Variants in THOC2 observed in about 807,000 individuals in gnomAD.
THOC2 encodes the protein THO complex 2.
In THOC2, 10 loss-of-function variants were observed where a neutral mutation model predicts 128.4. That is an observed-to-expected ratio of 0.08 (90% CI 0.05 to 0.13). The LOEUF (loss-of-function observed/expected upper bound fraction) is 0.13. THOC2 is among the 10% of genes least tolerant of loss of function. THOC2 has a pLI of 1.00. For synonymous variants in THOC2, 393 were observed against 396.9 expected, an observed-to-expected ratio of 0.99 and a Z score of 0.12; for missense variants, 535 against 1,155.7, an observed-to-expected ratio of 0.46 and a Z score of 7.79.
chrX:123,601,483 A>C, intron 38 of THOC2, 145 bp from the exon 39 acceptor site: 1 of 82,094 alleles, frequency 1.2e-5, no homozygotes, highest in Non-Finnish European at 2.3e-5. Flanking sequence ...GAGGGAGGGA[A>C]GAAGGGAGGG....
intron 12 of THOC2, among the ~76,000 whole-genome samples, chrX:123,665,396 C>T (rs1158470661): frequency 9.0e-6 from 1 of 111,405 alleles, no homozygotes; most frequent in Non-Finnish European, 1.9e-5. Context: ...ACCATCTAGG[C>T]TTGTATAAGT....
intron 23 of THOC2, 124 bp downstream of exon 23, chrX:123,627,569 A>G: frequency 1.4e-6 from 1 of 736,022 alleles, no homozygotes; most frequent in Non-Finnish European, 1.9e-6. Context: ...AACCCCATTT[A>G]AGAAAATATT....
At chrX:123,602,582 G>A (rs1452826763) in intron 38 of THOC2, 1 of 112,144 alleles carries the variant, frequency 8.9e-6, no homozygotes, top group African/African-American at 3.2e-5. Flanking sequence ...AGGAAGGGAA[G>A]AACTGGGAGT....
intron 7 of THOC2, among the ~76,000 whole-genome samples, chrX:123,694,612 A>G (rs1326007134): frequency 4.7e-5 from 4 of 85,319 alleles, no homozygotes; most frequent in Admixed American, 1.3e-4. Context: ...CATCTAAAAA[A>G]AAAAAAAGAA....
intron 18 of THOC2, among the ~76,000 whole-genome samples, chrX:123,637,759 C>T (rs1465108391): frequency 6.4e-5 from 7 of 108,954 alleles, no homozygotes; most frequent in African/African-American, 2.0e-4. Flanking sequence ...GACTCCATCT[C>T]GAAAAAAAAA....
intron 12 of THOC2, among the ~76,000 whole-genome samples, chrX:123,665,152 G>A (rs1441237120): frequency 9.0e-6 from 1 of 111,340 alleles, no homozygotes; most frequent in East Asian, 2.8e-4. Context: ...ATATGACCAG[G>A]GTCATATAAC....
intron 4 of THOC2, among the ~76,000 whole-genome samples, chrX:123,700,544 T>TGGGGGGGG (rs1216548328): frequency 4.4e-5 from 1 of 22,943 alleles, no homozygotes; most frequent in African/African-American, 1.6e-4. Context: ...GGTGAGGGGG[T>TGGGGGGGG]GGGGGGGGGT....
At chrX:123,632,733 G>T in intron 21 of THOC2, 128 bp downstream of exon 21, 1 of 505,580 alleles carries the variant, frequency 2.0e-6, no homozygotes. Flanking sequence ...TTTCCAGAAT[G>T]TCTTTCACAT....
Position 123,686,640 on chromosome X carries a change from C to T in THOC2, c.676G>A (p.Asp226Asn). The T allele has an allele frequency of 8.3e-7, 1 of 1,207,571 alleles. No individual in the cohort carries two copies. Among genetic ancestry groups the T allele is most frequent in the Non-Finnish European group, 1.1e-6 (1 of 892,820 alleles). ...EVFECRPEHD[D>N]FFISLLESYM... The stretch of plus-strand genomic sequence containing the variant: ...GATTCTAACAAAGATATAAAGAAGT[C>T]ATCGTGTTCTGGCCTGCATTCAAAC... The change falls in exon 8 of 39, where the codon GAC becomes AAC. Residue 226 changes from aspartate to asparagine, a missense_variant. Asp to Asn is a conservative substitution (Grantham distance 23, BLOSUM62 1). Around this residue, in one of 9 missense-constraint regions of THOC2, gnomAD observed 197 missense variants for 313.4 expected, o/e 0.63. Coordinates refer to ENST00000245838, the MANE Select transcript of THOC2 (RefSeq NM_001081550.2).
Position 123,698,929 on chromosome X carries a change from G to T in THOC2, c.275-1178C>A, listed in dbSNP as rs12013558. ...GAATTATAATTCTAGTCAGTAAATA[G>T]AAATTATTCAAAATTTTTATCTTCC... On this transcript the variant is annotated intron_variant, in intron 4 of 38. Coordinates refer to ENST00000245838, the MANE Select transcript of THOC2 (RefSeq NM_001081550.2). Among the ~76,000 whole-genome samples the T allele has an allele frequency of 8.1e-3, 894 of 110,148 alleles. 8 individuals carry two copies. Among genetic ancestry groups the T allele is most frequent in the African/African-American group, 0.028 (839 of 30,334 alleles).
chrX:123,729,119 A>G (rs944449289), intron 1 of THOC2, among the ~76,000 whole-genome samples: 1 of 112,368 alleles, frequency 8.9e-6, no homozygotes, highest in Admixed American at 9.5e-5. Flanking sequence ...GATTAAATAC[A>G]TATCTTTCAG....
chrX:123,694,478 G>T (rs1369378782), intron 7 of THOC2, among the ~76,000 whole-genome samples: 2 of 110,418 alleles, frequency 1.8e-5, no homozygotes, highest in Non-Finnish European at 3.8e-5. Context: ...AGCTGGGTGT[G>T]TTGGCTGGAG....
intron 1 of THOC2, among the ~76,000 whole-genome samples, chrX:123,713,833 G>A (rs1442931599): frequency 3.7e-5 from 4 of 106,686 alleles, no homozygotes; most frequent in Non-Finnish European, 7.7e-5. Context: ...CTCCAGCCTG[G>A]GAGACAGGAA....
chrX:123,646,483 C>T (rs370517856), intron 12 of THOC2, among the ~76,000 whole-genome samples: 4 of 112,122 alleles, frequency 3.6e-5, no homozygotes, highest in East Asian at 5.6e-4. Context: ...ATGCAGATAA[C>T]AAGCTTCTTA....
Position 123,627,846 on chromosome X carries a change from A to G in THOC2, c.2604T>C (p.His868=), listed in dbSNP as rs2036447439. The G allele has an allele frequency of 8.3e-7, 1 of 1,210,267 alleles. No homozygotes were observed. The highest frequency in any genetic ancestry group is 1.8e-5 in the South Asian group (1 of 56,846). The change falls in exon 23 of 39, where the codon CAT becomes CAC. Residue 868 remains histidine (H), a synonymous_variant. Coordinates refer to ENST00000245838, the MANE Select transcript of THOC2 (RefSeq NM_001081550.2). ...TGATGTCATCCCAGACTTTGGAAACATGTAAGGAGACCACTGCTTCATGGA... is the reference window on the plus strand; with the variant it reads ...TGATGTCATCCCAGACTTTGGAAACGTGTAAGGAGACCACTGCTTCATGGA... The part of the protein sequence containing the change: ...APVHEAVVSL[H]VSKVWDDISP...
chrX:123,642,888 C>T (rs749903988), intron 15 of THOC2, among the ~76,000 whole-genome samples: 1 of 111,240 alleles, frequency 9.0e-6, no homozygotes, highest in South Asian at 3.8e-4. Context: ...AGACTTTTTG[C>T]TGTATTTATA....
rs1270897173 is a variant in THOC2, at chrX:123,631,857, A to G, written c.2317-5T>C. ...CTGCACCAGGGTATCATGACACTAA[A>G]TTTAAAAAATAAGACAAAATCAACA... On this transcript the variant is annotated splice_region_variant and splice_polypyrimidine_tract_variant and intron_variant, in intron 21 of 38. Coordinates refer to ENST00000245838, the MANE Select transcript of THOC2 (RefSeq NM_001081550.2). The G allele has an allele frequency of 8.5e-7, 1 of 1,179,384 alleles. No individual in the cohort carries two copies. The highest frequency in any genetic ancestry group is 2.5e-5 in the Admixed American group (1 of 39,226).
intron 4 of THOC2, among the ~76,000 whole-genome samples, chrX:123,698,412 C>T (rs184940760): frequency 0.039 from 4,006 of 102,060 alleles, 240 homozygotes; most frequent in African/African-American, 0.14. Context: ...GAGCCGAGAT[C>T]GTGCCACTGC....
intron 1 of THOC2, among the ~76,000 whole-genome samples, chrX:123,719,179 CAA>C (rs757081039): frequency 1.9e-4 from 10 of 53,435 alleles, no homozygotes; most frequent in Admixed American, 2.3e-4. Context: ...CTTCGTCTCC[CAA>C]AAAAAAAAAA....
Sources: gnomAD v4.1 joint callset for allele counts (sites outside exome capture counted in the v4.1 genomes callset) on GRCh38, gnomAD v4.1.1 for gene constraint, gnomAD v4.1.1 regional missense constraint, MANE v1.5 for transcripts, NCBI Gene and HGNC (gene_info 2026-07-23, HGNC 2026-07-21) for gene names.